The following ALMS1 variants were observed in gnomAD, a reference collection of about 807,000 sequenced individuals.
The protein encoded by ALMS1 is centrosome-associated protein ALMS1.
A neutral mutation model predicts 352.2 loss-of-function variants in ALMS1; 271 were observed. The ratio of observed to expected loss-of-function variants is 0.77; its 90% CI spans 0.70 to 0.85. ALMS1 has a LOEUF of 0.85. Ranked by LOEUF, ALMS1 falls within the 40% of genes least tolerant of loss-of-function variation. The pLI, the probability that ALMS1 is intolerant of heterozygous loss-of-function variation, is 0.00. For missense variants in ALMS1, 5,445 were observed against 4,870.7 expected, an observed-to-expected ratio of 1.12 and a Z score of -3.51; for synonymous variants, 1,865 against 1,761.2, an observed-to-expected ratio of 1.06 and a Z score of -1.48.
In ALMS1 at chr2:73,600,779, G is replaced by A. The variant is rs778409217; in HGVS notation, c.11770G>A (p.Asp3924Asn). The A allele has an allele frequency of 6.2e-7, 1 of 1,614,210 alleles. No homozygotes were observed. The highest frequency in any genetic ancestry group is 8.5e-7 in the Non-Finnish European group (1 of 1,180,016). ...CGAGGCTAAATTGGAAGAGAACAGT[G>A]ATGTGACTTCTTGGTCAGAAGAAAA... is the stretch of plus-strand genomic sequence containing the variant. ...SSEAKLEENS[D>N]VTSWSEEKRE... The change falls in exon 18 of 23, where the codon GAT becomes AAT. Residue 3924 changes from aspartate (D) to asparagine (N), a missense_variant. Coordinates refer to ENST00000613296, the MANE Select transcript of ALMS1 (RefSeq NM_001378454.1).
rs1290800821 is a variant in ALMS1, at chr2:73,600,716, C to A, written c.11707C>A (p.Arg3903=). The A allele has an allele frequency of 1.2e-6, 2 of 1,613,956 alleles. No homozygotes were observed. Among genetic ancestry groups the A allele is most frequent in the African/African-American group, 2.7e-5 (2 of 74,912 alleles). ...TGTGAACGGTGCCAAAAAACACACT[C>A]GAGATGTTGGGATAACTTTCCCAAC... ...EIVNGAKKHT[R]DVGITFPTPS... Residue 3903 remains arginine, a synonymous_variant, in exon 18 of 23, where the codon CGA becomes AGA. Transcript: ENST00000613296.
intron 15 of ALMS1, among the ~76,000 whole-genome samples, chr2:73,560,033 A>T (rs1674624345): frequency 6.6e-6 from 1 of 152,202 alleles, no homozygotes; most frequent in Admixed American, 6.5e-5. Flanking sequence ...TAGACCAATG[A>T]AACTACATCA....
At position 73,528,288 on chromosome 2, in the gene ALMS1, G is replaced by C. The variant is rs533773912; in HGVS notation, c.9782-6536G>C. Among the ~76,000 whole-genome samples, 9 of 152,208 alleles carry C rather than the reference G, an allele frequency of 5.9e-5. No homozygotes were observed. In the South Asian group the frequency reaches 1.9e-3, roughly 32 times the overall value. ...TCAATGTATCTTCGTTGATTTTTCT[G>C]TCTGGATGATCTGTCCAATACTGAA... On this transcript the variant is annotated intron_variant, in intron 11 of 22. Transcript: ENST00000613296.
At chr2:73,563,739 A>AAAG (rs1674716781) in intron 15 of ALMS1, among the ~76,000 whole-genome samples, 1 of 123,430 alleles carries the variant, frequency 8.1e-6, no homozygotes, top group African/African-American at 3.6e-5. Flanking sequence ...AAAAAAAAAA[A>AAAG]ATAAAAATAA....
chr2:73,497,265 C>T (rs1673129277), intron 10 of ALMS1, among the ~76,000 whole-genome samples: 1 of 151,954 alleles, frequency 6.6e-6, no homozygotes, highest in Admixed American at 6.6e-5. Context: ...ATTGATTATG[C>T]TTCTAGATAT....
intron 10 of ALMS1, among the ~76,000 whole-genome samples, chr2:73,508,135 CCCTTTCCCTTTCCTTT>C (rs1673373166): frequency 6.8e-6 from 1 of 147,786 alleles, no homozygotes; most frequent in African/African-American, 2.5e-5. Context: ...CCTTTCCTTT[CCCTTTCCCTTTCCTTT>C]CCTTTCCTTT....
At chr2:73,390,931 C>T (rs1304857596) in intron 1 of ALMS1, among the ~76,000 whole-genome samples, 1 of 151,954 alleles carries the variant, frequency 6.6e-6, no homozygotes, top group Non-Finnish European at 1.5e-5. Context: ...CCACCATGCC[C>T]AGCTAATTTT....
intron 9 of ALMS1, among the ~76,000 whole-genome samples, chr2:73,477,810 A>G (rs889502177): frequency 6.6e-6 from 1 of 152,134 alleles, no homozygotes; most frequent in Admixed American, 6.5e-5. Context: ...TGATTTTTGT[A>G]TATTGCACTG....
chr2:73,400,001 C>T (rs989672480), intron 1 of ALMS1, among the ~76,000 whole-genome samples: 5 of 148,810 alleles, frequency 3.4e-5, no homozygotes, highest in Non-Finnish European at 7.4e-5. Flanking sequence ...GCAGTGTTGC[C>T]ATCTTGGCTC....
intron 13 of ALMS1, among the ~76,000 whole-genome samples, chr2:73,556,633 C>CTTTTTTTT (rs764932403): frequency 9.9e-6 from 1 of 101,484 alleles, no homozygotes; most frequent in Non-Finnish European, 1.9e-5. Flanking sequence ...CTGATCTTTC[C>CTTTTTTTT]TTTTTTTTTT....
chr2:73,584,534 A>T (rs1308092488), intron 16 of ALMS1, among the ~76,000 whole-genome samples: 1 of 152,196 alleles, frequency 6.6e-6, no homozygotes, highest in Non-Finnish European at 1.5e-5. Flanking sequence ...TTGGATATAA[A>T]AGTTTTGATT....
intron 2 of ALMS1, among the ~76,000 whole-genome samples, chr2:73,417,015 GC>G (rs1671193413): frequency 6.6e-6 from 1 of 152,102 alleles, no homozygotes; most frequent in South Asian, 2.1e-4. Flanking sequence ...GATCACTTGA[GC>G]CTGGAGGCAG....
chr2:73,481,392 T>C (rs1363772314), intron 9 of ALMS1, among the ~76,000 whole-genome samples: 4 of 152,210 alleles, frequency 2.6e-5, no homozygotes, highest in African/African-American at 4.8e-5. Context: ...GTTGTAGATA[T>C]GCTGCATTAT....
intron 13 of ALMS1, among the ~76,000 whole-genome samples, chr2:73,554,786 G>A (rs1405930683): frequency 6.6e-6 from 1 of 152,114 alleles, no homozygotes; most frequent in Admixed American, 6.5e-5. Flanking sequence ...TTCCTAACCT[G>A]GGTAAGGTTA....
chr2:73,483,700 G>A (rs2103872675), intron 9 of ALMS1, among the ~76,000 whole-genome samples: 1 of 150,546 alleles, frequency 6.6e-6, no homozygotes, highest in East Asian at 1.9e-4. Flanking sequence ...ATTAATGTGT[G>A]GGAGTCTAAG....
In ALMS1 at chr2:73,397,415, A is replaced by G. The variant is rs540852606; in HGVS notation, c.325-11207A>G. On this transcript the variant is annotated intron_variant, in intron 1 of 22. Coordinates refer to ENST00000613296, the MANE Select transcript of ALMS1 (RefSeq NM_001378454.1). ...TTTTTTTATGATGGGGATGGGAGTG[A>G]TTACTTCCAAGCTCTTTATATGCTT... is the stretch of plus-strand genomic sequence containing the variant. 1.1e-4 allele frequency among the ~76,000 whole-genome samples: 16 copies of G among 151,036 alleles called. No homozygotes were observed. In the South Asian group the frequency reaches 3.3e-3, roughly 32 times the overall value.
intron 11 of ALMS1, among the ~76,000 whole-genome samples, chr2:73,528,257 G>A (rs1381910570): frequency 6.6e-6 from 1 of 152,004 alleles, no homozygotes; most frequent in Non-Finnish European, 1.5e-5. Flanking sequence ...TATCTATTAG[G>A]TCCATTCAAT....
intron 12 of ALMS1, among the ~76,000 whole-genome samples, chr2:73,540,285 G>A (rs566852654): frequency 2.0e-4 from 30 of 152,266 alleles, no homozygotes; most frequent in East Asian, 1.2e-3. Context: ...CATAAGTGAA[G>A]GAGAAATAAA....
At chr2:73,502,880 T>C (rs1057373784) in intron 10 of ALMS1, among the ~76,000 whole-genome samples, 3 of 152,132 alleles carry the variant, frequency 2.0e-5, no homozygotes, top group Non-Finnish European at 4.4e-5. Context: ...ATAGAAAAGG[T>C]AAATATGGCA....
Sources: gnomAD v4.1 joint callset for allele counts (sites outside exome capture counted in the v4.1 genomes callset) on GRCh38, gnomAD v4.1.1 for gene constraint, MANE v1.5 for transcripts, NCBI Gene and HGNC (gene_info 2026-07-23, HGNC 2026-07-21) for gene names.